Variants in RECQL5 observed in about 807,000 individuals in gnomAD.
RECQL5 encodes ATP-dependent DNA helicase Q5.
Under a neutral mutation model 103.4 loss-of-function variants are expected in RECQL5, and 88 were observed. The ratio of observed to expected loss-of-function variants is 0.85; its 90% CI spans 0.72 to 1.02. RECQL5 has a LOEUF of 1.02. RECQL5 is among the 50% of genes least tolerant of loss of function. RECQL5 has a pLI of 0.00. For synonymous variants in RECQL5, 552 were observed against 507.9 expected (o/e 1.09, Z -1.17); for missense variants, 1,232 against 1,284.3 (o/e 0.96, Z 0.62).
intron 8 of RECQL5, chr17:75,650,972 T>C (rs2148315995): frequency 6.7e-7 from 1 of 1,486,000 alleles, no homozygotes; most frequent in Non-Finnish European, 8.9e-7. Flanking sequence ...CCACTCAGAA[T>C]ACTGAGCAAA....
intron 8 of RECQL5, among the ~76,000 whole-genome samples, chr17:75,633,213 G>C (rs1012724768): frequency 6.6e-6 from 1 of 152,248 alleles, no homozygotes; most frequent in Non-Finnish European, 1.5e-5. Context: ...TCTGGCATCC[G>C]AGTGGTGTGA....
At chr17:75,642,129 C>A (rs554815835) in intron 8 of RECQL5, among the ~76,000 whole-genome samples, 7 of 152,294 alleles carry the variant, frequency 4.6e-5, no homozygotes, top group South Asian at 4.1e-4. Context: ...CCTTCCTTAC[C>A]CCCTCCTTTC....
In RECQL5 at chr17:75,640,570, GC is replaced by G. The variant is rs2059417924; in HGVS notation, c.1230-8903del. On this transcript the variant is annotated intron_variant, in intron 8 of 19. Coordinates refer to ENST00000317905, the MANE Select transcript of RECQL5 (RefSeq NM_004259.7). The surrounding 1 kb of genome is among the most constrained non-coding windows in gnomAD (Gnocchi z 4.6). ...GATCCCAAACGCGGGGATGACGGGAGCCAGGCTTGGGCAGTGAAAGAGAAGA... is the reference window on the plus strand; with the variant it reads ...GATCCCAAACGCGGGGATGACGGGAGCAGGCTTGGGCAGTGAAAGAGAAGA... 6.6e-6 allele frequency among the ~76,000 whole-genome samples: 1 copy of G among 152,184 alleles called. No individual in the cohort carries two copies. Among genetic ancestry groups the G allele is most frequent in the Non-Finnish European group, 1.5e-5 (1 of 68,024 alleles).
At chr17:75,631,944 C>T (rs549670735) in intron 8 of RECQL5, among the ~76,000 whole-genome samples, 3 of 152,352 alleles carry the variant, frequency 2.0e-5, no homozygotes, top group African/African-American at 7.2e-5. Context: ...TCCAGTTACT[C>T]CTCTGCTCCT....
chr17:75,630,081 T>G (rs1598982135), intron 14 of RECQL5, 103 bp downstream of exon 14: 2 of 991,232 alleles, frequency 2.0e-6, no homozygotes, highest in Non-Finnish European at 2.9e-6. Context: ...CTGGGGAGGG[T>G]GAGTTCTGGG....
chr17:75,656,980 G>A (rs1008289419), intron 7 of RECQL5, among the ~76,000 whole-genome samples: 3 of 152,102 alleles, frequency 2.0e-5, no homozygotes, highest in Non-Finnish European at 4.4e-5. Flanking sequence ...TCCTGACCTC[G>A]TGATCCACCC....
At chr17:75,646,512 G>A (rs998633810) in intron 8 of RECQL5, 1 of 152,346 alleles carries the variant, frequency 6.6e-6, no homozygotes, top group Non-Finnish European at 1.5e-5. Context: ...GGGCAGAAAG[G>A]AGCTGAAGGG....
Position 75,629,337 on chromosome 17 carries a change from GGCTCGGGGGCTCGTGCTCGCCTCCCC to G in RECQL5, c.2060_2085del (p.Arg687ProfsTer8). On this transcript the variant is annotated frameshift_variant, in exon 16 of 20. Coordinates refer to ENST00000317905, the MANE Select transcript of RECQL5 (RefSeq NM_004259.7). LOFTEE classifies it high-confidence loss of function. ...TCCTCATCCAGGAGGCCACAGGGCC[GGCTCGGGGGCTCGTGCTCGCCTCCCC>G]GCTCGGGCTGGGGGGCTTGCTCCCT... 3 of 1,523,858 alleles carry G rather than the reference GGCTCGGGGGCTCGTGCTCGCCTCCCC, an allele frequency of 2.0e-6. No homozygotes were observed. Among genetic ancestry groups the G allele is most frequent in the Non-Finnish European group, 2.6e-6 (3 of 1,136,118 alleles). The allele number at this position is 1,523,858 out of a possible 1,614,324, so 94.4% of individuals were successfully genotyped here. A position where few individuals can be genotyped will look rare whatever the true frequency, so the allele number is the denominator to read the frequency against.
At chr17:75,660,143 T>A (rs571662282) in intron 6 of RECQL5, among the ~76,000 whole-genome samples, 1 of 152,078 alleles carries the variant, frequency 6.6e-6, no homozygotes, top group Non-Finnish European at 1.5e-5. Context: ...CTCAGCTCAC[T>A]GCAACCTCCG....
At chr17:75,628,107 G>A (rs1200988091) in intron 18 of RECQL5, 111 bp downstream of exon 18, 5 of 952,324 alleles carry the variant, frequency 5.3e-6, no homozygotes, top group African/African-American at 1.6e-5. Context: ...ACGGGCGTGG[G>A]GCTGGCCCTA....
chr17:75,640,963 C>A lies in RECQL5; in HGVS notation c.1230-9295G>T. The A allele has an allele frequency of 6.6e-7, 1 of 1,523,212 alleles. No individual in the cohort carries two copies. Among genetic ancestry groups the A allele is most frequent in the African/African-American group, 1.4e-5 (1 of 72,938 alleles). The allele number at this position is 1,523,212 out of a possible 1,614,324, so 94.4% of individuals were successfully genotyped here. A position where few individuals can be genotyped will look rare whatever the true frequency, so the allele number is the denominator to read the frequency against. On this transcript the variant is annotated intron_variant, in intron 8 of 19. Coordinates refer to ENST00000317905, the MANE Select transcript of RECQL5 (RefSeq NM_004259.7). The surrounding 1 kb of genome is among the most constrained non-coding windows in gnomAD (Gnocchi z 4.6). ...CCAATGCCATGACACAGGCCATCAG[C>A]CTGGCCCTGCAGCCCTTACCCCTCA...
At chr17:75,645,071 C>T (rs2148302058) in intron 8 of RECQL5, among the ~76,000 whole-genome samples, 1 of 152,328 alleles carries the variant, frequency 6.6e-6, no homozygotes, top group South Asian at 2.1e-4. Context: ...GTGGGCTTGC[C>T]AACCACAGCT....
chr17:75,643,743 C>G (rs2059458544), intron 8 of RECQL5, among the ~76,000 whole-genome samples: 1 of 152,232 alleles, frequency 6.6e-6, no homozygotes, highest in South Asian at 2.1e-4. Flanking sequence ...AGGCTGGTTT[C>G]AGGTTTAGAG....
chr17:75,647,529 A>G, intron 8 of RECQL5: 1 of 1,550,368 alleles, frequency 6.5e-7, no homozygotes, highest in East Asian at 2.4e-5. Flanking sequence ...TCACTTCCAC[A>G]GAAAACACTC....
intron 18 of RECQL5, among the ~76,000 whole-genome samples, chr17:75,627,905 G>C (rs374383046): frequency 3.3e-5 from 5 of 152,050 alleles, no homozygotes; most frequent in Non-Finnish European, 7.4e-5. Flanking sequence ...TGTAGTCCCA[G>C]CTACTCGGGA....
chr17:75,666,865 T>C (rs77835276), intron 1 of RECQL5, 179 bp downstream of exon 1: 5,292 of 299,304 alleles, frequency 0.018, 206 homozygotes, highest in African/African-American at 0.088. Flanking sequence ...CAGAACAGCT[T>C]GGAGAACGGG....
chr17:75,658,461 C>T lies in RECQL5; in HGVS notation c.987-1G>A. The T allele has an allele frequency of 6.2e-7, 1 of 1,613,222 alleles. No individual in the cohort carries two copies. The highest frequency in any genetic ancestry group is 8.5e-7 in the Non-Finnish European group (1 of 1,179,464). ...GGCAATATTCCAATGGGCGACAAAC[C>T]TGTAGGATCCAAAGGGACAAGCAGC... On this transcript the variant is annotated splice_acceptor_variant, in intron 6 of 19. Transcript: ENST00000317905. LOFTEE classifies it high-confidence loss of function.
At position 75,662,988 on chromosome 17, in the gene RECQL5, C is replaced by A; in HGVS notation, c.262G>T (p.Asp88Tyr). ...CGTACCTTTAGGGTTAGCAAGTGGT[C>A]CACTTGGTCCTAAGAGAAGAGAAAG... ...PLIALIQDQV[D>Y]HLLTLKVRVS... The change falls in exon 4 of 20, where the codon GAC becomes TAC. Residue 88 changes from aspartate to tyrosine, a missense_variant. By Grantham distance (160) the Asp-to-Tyr change is radical (BLOSUM62 -3). Transcript: ENST00000317905. The A allele has an allele frequency of 6.3e-7, 1 of 1,599,654 alleles. No homozygotes were observed. Among genetic ancestry groups the A allele is most frequent in the Non-Finnish European group, 8.5e-7 (1 of 1,172,408 alleles).
chr17:75,647,814 A>C, intron 8 of RECQL5: 2 of 441,832 alleles, frequency 4.5e-6, no homozygotes, highest in Non-Finnish European at 4.2e-6. Flanking sequence ...CCCGACCAGA[A>C]CCCTAAAAGC....
Sources: gnomAD v4.1 joint callset for allele counts (sites outside exome capture counted in the v4.1 genomes callset) on GRCh38, gnomAD v4.1.1 for gene constraint, Gnocchi (gnomAD v3.1) non-coding constraint, MANE v1.5 for transcripts, NCBI Gene and HGNC (gene_info 2026-07-23, HGNC 2026-07-21) for gene names.